The following ZGRF1 variants were observed in gnomAD, a reference collection of about 807,000 sequenced individuals.
ZGRF1 encodes zinc finger GRF-type containing 1.
Under a neutral mutation model 203.5 loss-of-function variants are expected in ZGRF1, and 196 were observed. That is an observed-to-expected ratio of 0.96 (90% CI 0.86 to 1.08). The LOEUF (loss-of-function observed/expected upper bound fraction) is 1.08, where lower values mean the gene tolerates loss of function less well. Among genes scored for constraint, ZGRF1 ranks in the 50% least tolerant of loss-of-function variants. ZGRF1 has a pLI of 0.00. For missense variants in ZGRF1, 2,326 were observed against 2,416.3 expected, an observed-to-expected ratio of 0.96 and a Z score of 0.78; for synonymous variants, 809 against 841.3, an observed-to-expected ratio of 0.96 and a Z score of 0.66.
At chr4:112,589,698 T>A (rs774079465) in intron 11 of ZGRF1, 26 bp downstream of exon 11, 1 of 1,602,712 alleles carries the variant, frequency 6.2e-7, no homozygotes, top group South Asian at 1.1e-5. Flanking sequence ...AATAGACAGA[T>A]ATTAGAGCAA....
intron 14 of ZGRF1, 101 bp downstream of exon 14, chr4:112,585,440 T>C: frequency 1.2e-6 from 1 of 849,710 alleles, no homozygotes; most frequent in Non-Finnish European, 1.7e-6. Context: ...AGAAAGCTCT[T>C]AATCAAGACT....
intron 9 of ZGRF1, among the ~76,000 whole-genome samples, chr4:112,603,909 C>T (rs980108460): frequency 3.3e-5 from 5 of 152,106 alleles, no homozygotes; most frequent in Admixed American, 2.0e-4. Flanking sequence ...GATTTAACTA[C>T]ATTTAAGTTC....
Position 112,589,845 on chromosome 4 carries a change from T to A in ZGRF1, c.3006A>T (p.Thr1002=), listed in dbSNP as rs1314687032. ...AAGAAAAGGTAGAAACAGGGCTCAA[T>A]GTAGAGATGTTTTCTTCTGGTGATG... ...QVTSPEENIS[T]LSPVSTFSLN... Residue 1002 remains threonine, a synonymous_variant, in exon 11 of 28, where the codon ACA becomes ACT. Coordinates refer to ENST00000505019, the MANE Select transcript of ZGRF1 (RefSeq NM_018392.5). 3 of 1,607,518 alleles carry A rather than the reference T, an allele frequency of 1.9e-6. No individual in the cohort carries two copies. Among genetic ancestry groups the A allele is most frequent in the Non-Finnish European group, 2.5e-6 (3 of 1,177,820 alleles).
Position 112,635,601 on chromosome 4 carries a change from T to C in ZGRF1, c.-67+1250A>G, listed in dbSNP as rs1417981821. ...ATATTGTTAATTATATACATTATAATTATTATGTAATTATATAATATATAA... is the reference window on the plus strand; with the variant it reads ...ATATTGTTAATTATATACATTATAACTATTATGTAATTATATAATATATAA... On this transcript the variant is annotated intron_variant, in intron 1 of 27. Coordinates refer to ENST00000505019, the MANE Select transcript of ZGRF1 (RefSeq NM_018392.5). 2.0e-5 allele frequency among the ~76,000 whole-genome samples: 3 copies of C among 148,784 alleles called. No individual in the cohort carries two copies. In the East Asian group the frequency reaches 5.8e-4, roughly 29 times the overall value.
rs761699767 is a variant in ZGRF1 at position 112,619,679 on chromosome 4, T to G, written c.363A>C (p.Gly121=). Residue 121 remains glycine, a synonymous_variant, in exon 6 of 28, where the codon GGA becomes GGC. Transcript: ENST00000505019. ...GLKRKFTGFQ[G]PRQVPKKMVI... ...CCATTTTCTTTGGAACCTGACGTGGTCCTTGAAAACCCTGAAAATATTAAA... is the reference window on the plus strand; with the variant it reads ...CCATTTTCTTTGGAACCTGACGTGGGCCTTGAAAACCCTGAAAATATTAAA... 1.4e-4 allele frequency: 231 copies of G among 1,601,690 alleles called. No individual in the cohort carries two copies. The highest frequency in any genetic ancestry group is 1.8e-4 in the Non-Finnish European group (210 of 1,175,292).
intron 3 of ZGRF1, among the ~76,000 whole-genome samples, chr4:112,631,182 T>G (rs2047397027): frequency 6.6e-6 from 1 of 152,180 alleles, no homozygotes; most frequent in Non-Finnish European, 1.5e-5. Flanking sequence ...TTAATTTTTT[T>G]GTAGAGACAG....
chr4:112,586,159 T>A (rs1246329592), intron 13 of ZGRF1, among the ~76,000 whole-genome samples: 1 of 151,900 alleles, frequency 6.6e-6, no homozygotes, highest in Non-Finnish European at 1.5e-5. Context: ...GAGGATCACT[T>A]GAACCTGGAA....
intron 20 of ZGRF1, 69 bp from the exon 21 acceptor site, chr4:112,554,851 T>C: frequency 1.3e-6 from 1 of 774,808 alleles, no homozygotes; most frequent in South Asian, 1.8e-5. Context: ...ATATAATAAC[T>C]GTTACTACAA....
chr4:112,632,063 T>C lies in ZGRF1; in HGVS notation c.22-53A>G, dbSNP rs965220500. ...GTTTCCATTTATATATATTTAATGT[T>C]ATGTATTTTATATATCCTTCCTACA... On this transcript the variant is annotated intron_variant, in intron 2 of 27. Coordinates refer to ENST00000505019, the MANE Select transcript of ZGRF1 (RefSeq NM_018392.5). 6 of 842,178 alleles carry C rather than the reference T, an allele frequency of 7.1e-6. No homozygotes were observed. In the African/African-American group the frequency reaches 1.1e-4, roughly 15 times the overall value. 52.2% of individuals were successfully genotyped at this position (842,178 alleles called of 1,614,324 possible).
chr4:112,580,305 A>G (rs1745988279), intron 16 of ZGRF1, among the ~76,000 whole-genome samples: 1 of 139,716 alleles, frequency 7.2e-6, no homozygotes, highest in South Asian at 2.5e-4. Context: ...TAAATGTTAG[A>G]CCTAAAACCA....
In ZGRF1 at chr4:112,563,360, G is replaced by A. The variant is rs139696972; in HGVS notation, c.4439-86C>T. The A allele has an allele frequency of 8.0e-4, 782 of 972,398 alleles. 2 individuals are homozygous for A. The highest frequency in any genetic ancestry group is 6.5e-3 in the African/African-American group (396 of 60,998). The allele number at this position is 972,398 out of a possible 1,614,324, so 60.2% of individuals were successfully genotyped here. The stretch of plus-strand genomic sequence containing the variant: ...AGAAATTATATATATTTGCATATGT[G>A]TGTACATATATCTATAGTACACATA... On this transcript the variant is annotated intron_variant, in intron 16 of 27. Coordinates refer to ENST00000505019, the MANE Select transcript of ZGRF1 (RefSeq NM_018392.5).
At chr4:112,585,447 G>T in intron 14 of ZGRF1, 94 bp downstream of exon 14, 1 of 928,630 alleles carries the variant, frequency 1.1e-6, no homozygotes, top group Non-Finnish European at 1.5e-6. Flanking sequence ...TCTTAATCAA[G>T]ACTCACTCTT....
intron 16 of ZGRF1, among the ~76,000 whole-genome samples, chr4:112,573,734 T>A (rs1744640433): frequency 6.6e-6 from 1 of 152,118 alleles, no homozygotes; most frequent in South Asian, 2.1e-4. Flanking sequence ...AATTTTTATT[T>A]ATCTAAAGAC....
At chr4:112,544,640 G>C (rs149575892) in intron 24 of ZGRF1, among the ~76,000 whole-genome samples, 1 of 152,152 alleles carries the variant, frequency 6.6e-6, no homozygotes, top group Non-Finnish European at 1.5e-5. Context: ...ATCTGAGAGA[G>C]TATCTGACAT....
In ZGRF1 at chr4:112,619,317, T is replaced by A; in HGVS notation, c.725A>T (p.Tyr242Phe). The change falls in exon 6 of 28, where the codon TAT becomes TTT. Residue 242 changes from tyrosine (Y) to phenylalanine (F), a missense_variant. Coordinates refer to ENST00000505019, the MANE Select transcript of ZGRF1 (RefSeq NM_018392.5). ...TCTGATGTTTTGTGAAACTCCTGAA[T>A]AGTGAGATGCCAAACTATCTCTTTT... is the stretch of plus-strand genomic sequence containing the variant. ...PVKRDSLASH[Y>F]SGVSQNIRSK... is the part of the protein sequence containing the mutation. 1 of 1,613,016 alleles carries A rather than the reference T, an allele frequency of 6.2e-7. No individual in the cohort carries two copies. Among genetic ancestry groups the A allele is most frequent in the Non-Finnish European group, 8.5e-7 (1 of 1,179,622 alleles).
At chr4:112,600,061 C>T (rs1408185411) in intron 10 of ZGRF1, among the ~76,000 whole-genome samples, 1 of 151,776 alleles carries the variant, frequency 6.6e-6, no homozygotes, top group East Asian at 1.9e-4. Context: ...TTCTTTGATA[C>T]AGGATCTCAC....
intron 10 of ZGRF1, among the ~76,000 whole-genome samples, chr4:112,600,268 A>C (rs1749732715): frequency 6.6e-6 from 1 of 152,128 alleles, no homozygotes; most frequent in Non-Finnish European, 1.5e-5. Context: ...TCCTTGCCTT[A>C]AGTGATCCTC....
At chr4:112,606,974 A>G (rs1750862803) in intron 8 of ZGRF1, among the ~76,000 whole-genome samples, 1 of 152,228 alleles carries the variant, frequency 6.6e-6, no homozygotes, top group Admixed American at 6.5e-5. Context: ...TTTAACAAAT[A>G]TGAAGAAAAA....
intron 27 of ZGRF1, 36 bp downstream of exon 27, chr4:112,539,827 C>T: frequency 1.2e-6 from 2 of 1,607,572 alleles, no homozygotes; most frequent in Non-Finnish European, 8.5e-7. Context: ...TCAGTTTGAA[C>T]TTGAAATGCA....
Sources: gnomAD v4.1 joint callset for allele counts (sites outside exome capture counted in the v4.1 genomes callset) on GRCh38, gnomAD v4.1.1 for gene constraint, MANE v1.5 for transcripts, NCBI Gene and HGNC (gene_info 2026-07-23, HGNC 2026-07-21) for gene names.